KAZN: variants seen among roughly 807,000 people sequenced by gnomAD.
The protein encoded by KAZN is kazrin, periplakin interacting protein, also known as kazrin.
KAZN carries 40 observed loss-of-function variants against 87.4 expected under a neutral mutation model. That is an observed-to-expected ratio of 0.46 (90% CI 0.36 to 0.60). The LOEUF is 0.60. KAZN is among the 20% of genes least tolerant of loss of function. The probability of loss-of-function intolerance (pLI) is 0.00; values close to 1 mark genes in which losing one functional copy is unlikely to be tolerated. For missense variants in KAZN, 898 were observed against 1,073.9 expected (o/e 0.84, Z 2.29); for synonymous variants, 466 against 458.3 (o/e 1.02, Z -0.22).
chr1:14,066,805 A>G (rs1039421344), intron 1 of KAZN, among the ~76,000 whole-genome samples: 8 of 152,202 alleles, frequency 5.3e-5, no homozygotes, highest in African/African-American at 1.9e-4. Flanking sequence ...TGCCATCTGT[A>G]CACAAATGCC....
intron 1 of KAZN, among the ~76,000 whole-genome samples, chr1:14,678,651 T>C (rs1343956986): frequency 6.6e-6 from 1 of 152,224 alleles, no homozygotes. Context: ...ATGGGCTGTT[T>C]GATGCAGGGC....
intron 1 of KAZN, among the ~76,000 whole-genome samples, chr1:14,903,196 G>T (rs1656127509): frequency 6.6e-6 from 1 of 152,076 alleles, no homozygotes; most frequent in Non-Finnish European, 1.5e-5. Context: ...TGGTCTCTCT[G>T]ATCACCCACT....
At chr1:14,383,524 T>C (rs1661566483) in intron 2 of KAZN, among the ~76,000 whole-genome samples, 2 of 151,704 alleles carry the variant, frequency 1.3e-5, no homozygotes, top group Admixed American at 1.3e-4. Context: ...AGTTTCAGCT[T>C]TCTACATATG....
intron 2 of KAZN, among the ~76,000 whole-genome samples, chr1:14,193,661 G>T (rs1297081098): frequency 7.1e-6 from 1 of 140,608 alleles, no homozygotes; most frequent in Non-Finnish European, 1.6e-5. Flanking sequence ...AGACTAAGGT[G>T]TTTTTTTTTT....
intron 2 of KAZN, among the ~76,000 whole-genome samples, chr1:14,482,512 CAG>C (rs1226420779): frequency 6.8e-6 from 1 of 146,712 alleles, no homozygotes; most frequent in African/African-American, 2.4e-5. Flanking sequence ...ATCTGTAAAA[CAG>C]AGATAATATT....
chr1:14,541,171 C>G (rs1409915915), intron 2 of KAZN, among the ~76,000 whole-genome samples: 5 of 152,158 alleles, frequency 3.3e-5, no homozygotes, highest in Admixed American at 6.5e-5. Context: ...TTCTGTCAAC[C>G]GATCTCACGG....
chr1:14,460,168 G>A (rs537709906), intron 2 of KAZN, among the ~76,000 whole-genome samples: 6 of 152,308 alleles, frequency 3.9e-5, no homozygotes, highest in African/African-American at 1.4e-4. Context: ...CATTCTGACA[G>A]GTATCAAAGG....
intron 1 of KAZN, among the ~76,000 whole-genome samples, chr1:14,620,128 T>C (rs1271197459): frequency 6.6e-6 from 1 of 152,230 alleles, no homozygotes; most frequent in Non-Finnish European, 1.5e-5. Flanking sequence ...AGGATCTATG[T>C]ATATATGCGT....
chr1:14,418,191 A>T (rs1472899122), intron 2 of KAZN, among the ~76,000 whole-genome samples: 1 of 151,986 alleles, frequency 6.6e-6, no homozygotes, highest in Non-Finnish European at 1.5e-5. Flanking sequence ...TACTAAAGGT[A>T]GTGTTGATGA....
chr1:13,914,876 T>C (rs563181741), intron 1 of KAZN, among the ~76,000 whole-genome samples: 1 of 152,274 alleles, frequency 6.6e-6, no homozygotes, highest in South Asian at 2.1e-4. Context: ...CTGAGTGAGC[T>C]TGGAAGCAAA....
At chr1:14,810,586 C>G (rs1438497088) in intron 1 of KAZN, among the ~76,000 whole-genome samples, 3 of 152,302 alleles carry the variant, frequency 2.0e-5, no homozygotes, top group Admixed American at 1.3e-4. Context: ...CCTCCCACCC[C>G]ACATTAGCTC....
At chr1:14,472,725 T>C (rs547380456) in intron 2 of KAZN, among the ~76,000 whole-genome samples, 9 of 152,074 alleles carry the variant, frequency 5.9e-5, no homozygotes, top group Non-Finnish European at 1.2e-4. Context: ...TTCCCTGAGA[T>C]CTTTGTCTCT....
chr1:14,514,603 A>T (rs1256360437), intron 2 of KAZN, among the ~76,000 whole-genome samples: 505 of 36,326 alleles, frequency 0.014, 4 homozygotes, highest in African/African-American at 0.063. Context: ...TTTTATATAT[A>T]TATATATATA....
chr1:14,858,972 C>T (rs1048535338), intron 1 of KAZN, among the ~76,000 whole-genome samples: 5 of 151,996 alleles, frequency 3.3e-5, no homozygotes, highest in South Asian at 2.1e-4. Context: ...TTTGGGAGGC[C>T]GAGGCGGGTG....
chr1:14,127,312 C>T (rs1644893413), intron 1 of KAZN, among the ~76,000 whole-genome samples: 1 of 151,608 alleles, frequency 6.6e-6, no homozygotes, highest in Non-Finnish European at 1.5e-5. Context: ...CAGGCCAGAT[C>T]TGAAAACAAT....
At chr1:14,744,054 A>G (rs1644193011) in intron 1 of KAZN, among the ~76,000 whole-genome samples, 1 of 152,080 alleles carries the variant, frequency 6.6e-6, no homozygotes, top group African/African-American at 2.4e-5. Flanking sequence ...ACTAGGAGCC[A>G]CTCCAATGAC....
chr1:14,032,916 C>T (rs1641389368), intron 1 of KAZN, among the ~76,000 whole-genome samples: 1 of 152,122 alleles, frequency 6.6e-6, no homozygotes, highest in Non-Finnish European at 1.5e-5. Flanking sequence ...CAGATGATGG[C>T]AGTGTGAGTC....
intron 1 of KAZN, among the ~76,000 whole-genome samples, chr1:14,759,183 C>A (rs941368460): frequency 4.6e-5 from 7 of 152,184 alleles, no homozygotes; most frequent in Admixed American, 2.6e-4. Context: ...ACGGCAGGAG[C>A]TCGCGTTCCT....
chr1:14,365,902 A>G (rs182362561), intron 2 of KAZN, among the ~76,000 whole-genome samples: 16 of 152,362 alleles, frequency 1.1e-4, no homozygotes, highest in Non-Finnish European at 1.8e-4. Context: ...ATTGCTAATA[A>G]TAACGACTCA....
Sources: allele counts gnomAD v4.1 joint callset (sites outside exome capture counted in the v4.1 genomes callset), GRCh38; gene constraint gnomAD v4.1.1; transcripts MANE v1.5; gene names NCBI Gene and HGNC (gene_info 2026-07-23, HGNC 2026-07-21).